TPST2: variants seen among roughly 807,000 people sequenced by gnomAD.
The protein encoded by TPST2 is protein-tyrosine sulfotransferase 2.
Under a neutral mutation model 27.8 loss-of-function variants are expected in TPST2, and 16 were observed. The ratio of observed to expected loss-of-function variants is 0.58; its 90% CI spans 0.39 to 0.88. The LOEUF is 0.88. TPST2 is among the 40% of genes least tolerant of loss of function. TPST2 has a pLI of 0.00. For synonymous variants in TPST2, 229 were observed against 231.7 expected, an observed-to-expected ratio of 0.99 and a Z score of 0.10; for missense variants, 464 against 543.1, an observed-to-expected ratio of 0.85 and a Z score of 1.45.
intron 4 of TPST2, among the ~76,000 whole-genome samples, chr22:26,535,527 C>T (rs1406932293): frequency 6.6e-6 from 1 of 152,250 alleles, no homozygotes; most frequent in Non-Finnish European, 1.5e-5. Context: ...CCTGTAATCT[C>T]AGCACTTTGG....
At chr22:26,548,492 G>T (rs12167889) in intron 1 of TPST2, among the ~76,000 whole-genome samples, 1 of 147,422 alleles carries the variant, frequency 6.8e-6, no homozygotes, top group Non-Finnish European at 1.5e-5. Flanking sequence ...AAAGAAAGAA[G>T]AAAGGAAGGA....
chr22:26,570,409 TGATCA>T (rs1927585394), intron 1 of TPST2, among the ~76,000 whole-genome samples: 1 of 152,164 alleles, frequency 6.6e-6, no homozygotes, highest in Admixed American at 6.5e-5. Context: ...CGGTGGCTTT[TGATCA>T]GATGCCAAGG....
intron 3 of TPST2, 116 bp from the exon 4 acceptor site, chr22:26,536,602 C>T (rs1925487279): frequency 3.1e-6 from 3 of 955,348 alleles, no homozygotes; most frequent in Non-Finnish European, 4.4e-6. Context: ...GGCCTCCACC[C>T]AGCTCTGCCC....
intron 5 of TPST2, among the ~76,000 whole-genome samples, chr22:26,531,784 T>C (rs1925176001): frequency 6.6e-6 from 1 of 152,066 alleles, no homozygotes; most frequent in South Asian, 2.1e-4. Flanking sequence ...TGCAATGGGG[T>C]GCGCAGGCTA....
intron 1 of TPST2, among the ~76,000 whole-genome samples, chr22:26,572,325 T>C (rs1927661419): frequency 6.6e-6 from 1 of 152,048 alleles, no homozygotes; most frequent in Non-Finnish European, 1.5e-5. Context: ...TGTGGGGCCA[T>C]CTCTAGTCAC....
Position 26,530,588 on chromosome 22 carries a change from C to T in TPST2, c.1092+2107G>A, listed in dbSNP as rs75520629. On this transcript the variant is annotated intron_variant, in intron 5 of 6. Transcript: ENST00000338754. ...TGGAGGTTGCAGTGGGCTGAGATGG[C>T]GCCACTGCACTCCAGCCTGGGTGAC... is the stretch of plus-strand genomic sequence containing the variant. Among the ~76,000 whole-genome samples the T allele has an allele frequency of 4.8e-3, 696 of 143,574 alleles. 25 individuals carry two copies. The East Asian group carries it at 0.058, about 12-fold the overall frequency. The allele number at this position is 143,574 out of a possible 152,430, so 94.2% of individuals were successfully genotyped here. A position where few individuals can be genotyped will look rare whatever the true frequency, so the allele number is the denominator to read the frequency against.
intron 5 of TPST2, among the ~76,000 whole-genome samples, chr22:26,528,513 A>C (rs1924968025): frequency 6.6e-6 from 1 of 152,194 alleles, no homozygotes; most frequent in South Asian, 2.1e-4. Flanking sequence ...AAAATGTCAA[A>C]CTTGGGCAAT....
intron 1 of TPST2, among the ~76,000 whole-genome samples, chr22:26,552,141 G>C (rs186725891): frequency 6.6e-6 from 1 of 152,218 alleles, no homozygotes; most frequent in East Asian, 1.9e-4. Context: ...GCCTCTCAAA[G>C]TGCTGGGATT....
intron 1 of TPST2, among the ~76,000 whole-genome samples, chr22:26,559,998 T>C (rs1927005098): frequency 6.6e-6 from 1 of 152,230 alleles, no homozygotes; most frequent in South Asian, 2.1e-4. Context: ...ATCAATGCTG[T>C]AATACGATAT....
chr22:26,528,850 C>T lies in TPST2; in HGVS notation c.1093-588G>A, dbSNP rs943792379. Among the ~76,000 whole-genome samples, 11 of 152,062 alleles carry T rather than the reference C, an allele frequency of 7.2e-5. No individual in the cohort carries two copies. The South Asian group carries it at 8.3e-4, about 11-fold the overall frequency. ...TACAAAAATTAGCCGGGTGTGGTGG[C>T]GGGCACCTGTAATCCTAGCTACTCA... is the stretch of plus-strand genomic sequence containing the variant. On this transcript the variant is annotated intron_variant, in intron 5 of 6. Transcript: ENST00000338754.
At chr22:26,583,256 G>A (rs1423700038) in intron 1 of TPST2, among the ~76,000 whole-genome samples, 2 of 151,506 alleles carry the variant, frequency 1.3e-5, no homozygotes, top group African/African-American at 4.8e-5. Flanking sequence ...CCAACAGGGT[G>A]AAACCCCGTC....
At chr22:26,582,715 G>A (rs1408792710) in intron 1 of TPST2, among the ~76,000 whole-genome samples, 1 of 152,118 alleles carries the variant, frequency 6.6e-6, no homozygotes. Context: ...GTGGCTATCC[G>A]TGCAGTGCTG....
intron 1 of TPST2, chr22:26,560,756 C>G (rs1927044459): frequency 2.6e-6 from 3 of 1,175,826 alleles, no homozygotes; most frequent in South Asian, 2.4e-5. Context: ...AAATGAAAAC[C>G]TATATCCCTC....
At chr22:26,572,109 T>C (rs1257808410) in intron 1 of TPST2, among the ~76,000 whole-genome samples, 1 of 152,208 alleles carries the variant, frequency 6.6e-6, no homozygotes, top group Non-Finnish European at 1.5e-5. Context: ...CATGCATCCC[T>C]GGCTTTCTTA....
intron 1 of TPST2, among the ~76,000 whole-genome samples, chr22:26,558,045 T>C (rs909636747): frequency 6.1e-5 from 9 of 148,012 alleles, no homozygotes; most frequent in Non-Finnish European, 1.2e-4. Context: ...AGACTCCGTC[T>C]CAAAAAAATA....
intron 1 of TPST2, among the ~76,000 whole-genome samples, chr22:26,549,855 C>G (rs1047900780): frequency 4.3e-5 from 6 of 141,078 alleles, no homozygotes; most frequent in African/African-American, 1.6e-4. Flanking sequence ...ACGGTGAAAC[C>G]CCCCTCTCTA....
rs570895895 is a variant in TPST2, at chr22:26,536,928, T to G, written c.843-442A>C. Among the ~76,000 whole-genome samples, 22 of 152,074 alleles carry G rather than the reference T, an allele frequency of 1.4e-4. No homozygotes were observed. The East Asian group carries it at 4.3e-3, about 29-fold the overall frequency. ...TGGGCATGGTAACAAGCGCCTGTAG[T>G]CCCAGCAGCTGCGCAGGAGGCTGAG... On this transcript the variant is annotated intron_variant, in intron 3 of 6. Transcript: ENST00000338754.
chr22:26,534,932 G>A (rs4149480), intron 4 of TPST2, among the ~76,000 whole-genome samples: 8,871 of 152,064 alleles, frequency 0.058, 306 homozygotes, highest in Middle Eastern at 0.082. Context: ...TGTCAATGTC[G>A]GCTGGTATGT....
At chr22:26,566,110 T>C (rs531091350) in intron 1 of TPST2, among the ~76,000 whole-genome samples, 13 of 152,284 alleles carry the variant, frequency 8.5e-5, no homozygotes, top group Admixed American at 5.2e-4. Flanking sequence ...GTTGACGTGG[T>C]GGGCATGAAG....
Sources: gnomAD v4.1 joint callset for allele counts (sites outside exome capture counted in the v4.1 genomes callset) on GRCh38, gnomAD v4.1.1 for gene constraint, MANE v1.5 for transcripts, NCBI Gene and HGNC (gene_info 2026-07-23, HGNC 2026-07-21) for gene names.